The following SPMIP7 variants were observed in gnomAD, a reference collection of about 807,000 sequenced individuals.
SPMIP7 encodes sperm microtubule inner protein 7.
chr7:50,134,815 C>G, the SPMIP7 span, among the ~76,000 whole-genome samples: 1 of 152,302 alleles, frequency 6.6e-6, no homozygotes, highest in East Asian at 1.9e-4. Context: ...TATGCCATAG[C>G]CAGATAACTT....
the SPMIP7 span, among the ~76,000 whole-genome samples, chr7:50,136,566 GA>G: frequency 3.3e-5 from 5 of 151,996 alleles, no homozygotes; most frequent in African/African-American, 4.8e-5. Flanking sequence ...ATAAAATAGG[GA>G]GGGCTTTATA....
the SPMIP7 span, among the ~76,000 whole-genome samples, chr7:50,101,596 T>C: frequency 6.6e-6 from 1 of 152,252 alleles, no homozygotes; most frequent in Non-Finnish European, 1.5e-5. Flanking sequence ...TTGATGACTC[T>C]GCGGTGTAAT....
chr7:50,136,504 T>A, the SPMIP7 span, among the ~76,000 whole-genome samples: 3 of 152,184 alleles, frequency 2.0e-5, no homozygotes, highest in Non-Finnish European at 4.4e-5. Flanking sequence ...CACTCCAGCC[T>A]GGGTGATGAG....
chr7:50,146,321 C>T, the SPMIP7 span, among the ~76,000 whole-genome samples: 7 of 152,174 alleles, frequency 4.6e-5, no homozygotes, highest in Non-Finnish European at 1.0e-4. Flanking sequence ...AGAGAACTGG[C>T]CTCTTAATCC....
chr7:50,150,905 A>G, the SPMIP7 span, among the ~76,000 whole-genome samples: 1 of 152,210 alleles, frequency 6.6e-6, no homozygotes, highest in Non-Finnish European at 1.5e-5. Context: ...CAAATTCTAA[A>G]CAGACTGTTG....
At chr7:50,149,420 A>G in the SPMIP7 span, among the ~76,000 whole-genome samples, 1 of 152,202 alleles carries the variant, frequency 6.6e-6, no homozygotes, top group Non-Finnish European at 1.5e-5. Context: ...TCTAATCCCC[A>G]GAGTGCCCCT....
the SPMIP7 span, among the ~76,000 whole-genome samples, chr7:50,120,987 A>G: frequency 6.6e-6 from 1 of 152,054 alleles, no homozygotes; most frequent in African/African-American, 2.4e-5. Flanking sequence ...CACTTTCTTT[A>G]TATTATCCTC....
the SPMIP7 span, chr7:50,104,338 C>T: frequency 7.2e-6 from 11 of 1,537,022 alleles, no homozygotes; most frequent in South Asian, 9.9e-5. Context: ...CTGAAAGTTA[C>T]TCCCTTACAA....
the SPMIP7 span, among the ~76,000 whole-genome samples, chr7:50,132,804 CAAT>C: frequency 6.6e-6 from 1 of 152,114 alleles, no homozygotes; most frequent in Non-Finnish European, 1.5e-5. Flanking sequence ...TTAACTTTTC[CAAT>C]ATTATGTTTT....
the SPMIP7 span, among the ~76,000 whole-genome samples, chr7:50,102,016 A>G: frequency 6.6e-6 from 1 of 152,184 alleles, no homozygotes; most frequent in Non-Finnish European, 1.5e-5. Flanking sequence ...TTTAGAATCT[A>G]TGATAATAAT....
chr7:50,134,111 T>C, the SPMIP7 span: 12 of 1,542,862 alleles, frequency 7.8e-6, no homozygotes, highest in Admixed American at 1.2e-4. Context: ...TTCATAGAGC[T>C]TATGAAGATG....
chr7:50,141,508 A>C, the SPMIP7 span: 1 of 657,478 alleles, frequency 1.5e-6, no homozygotes, highest in Non-Finnish European at 2.7e-6. Flanking sequence ...TGAAGAAGAA[A>C]GATACCTGCT....
chr7:50,128,609 A>G, the SPMIP7 span, among the ~76,000 whole-genome samples: 1 of 152,058 alleles, frequency 6.6e-6, no homozygotes, highest in African/African-American at 2.4e-5. Context: ...GTATCAATAC[A>G]AATACATTTT....
the SPMIP7 span, among the ~76,000 whole-genome samples, chr7:50,100,100 A>ATTTGGAT: frequency 2.0e-5 from 3 of 152,096 alleles, no homozygotes; most frequent in South Asian, 4.1e-4. Context: ...ATCTCTGTTC[A>ATTTGGAT]CTCTTGGATC....
chr7:50,110,827 A>T, the SPMIP7 span, among the ~76,000 whole-genome samples: 1 of 131,148 alleles, frequency 7.6e-6, no homozygotes, highest in Non-Finnish European at 1.5e-5. Flanking sequence ...ATATATAATC[A>T]TATTATATAT....
the SPMIP7 span, among the ~76,000 whole-genome samples, chr7:50,140,832 G>A: frequency 6.6e-6 from 1 of 152,188 alleles, no homozygotes; most frequent in South Asian, 2.1e-4. Context: ...CATTAACTCA[G>A]CCTCTCAACT....
At chr7:50,121,954 G>T in the SPMIP7 span, among the ~76,000 whole-genome samples, 1 of 113,254 alleles carries the variant, frequency 8.8e-6, no homozygotes, top group African/African-American at 3.4e-5. Flanking sequence ...ACCACACCTG[G>T]CTTTTCTTTT....
chr7:50,145,388 AT>A, the SPMIP7 span, among the ~76,000 whole-genome samples: 26 of 150,900 alleles, frequency 1.7e-4, no homozygotes, highest in African/African-American at 6.3e-4. Context: ...TTTAGTAACC[AT>A]TTTACAGTCC....
At chr7:50,128,748 A>T in the SPMIP7 span, among the ~76,000 whole-genome samples, 1 of 152,076 alleles carries the variant, frequency 6.6e-6, no homozygotes, top group Non-Finnish European at 1.5e-5. Flanking sequence ...TAATTCTAAA[A>T]GAAGAGAATA....
Sources: gnomAD v4.1 joint callset for allele counts (sites outside exome capture counted in the v4.1 genomes callset) on GRCh38, gnomAD v4.1.1 for gene constraint, MANE v1.5 for transcripts, NCBI Gene and HGNC (gene_info 2026-07-23, HGNC 2026-07-21) for gene names.